The following CFAP47 variants were observed in gnomAD, a reference collection of about 807,000 sequenced individuals.
CFAP47 encodes the protein cilia and flagella associated protein 47.
Under a neutral mutation model 148.1 loss-of-function variants are expected in CFAP47, and 29 were observed. The observed-to-expected ratio is 0.20, with a 90% CI of 0.15 to 0.27. The LOEUF is 0.27. CFAP47 is among the 10% of genes least tolerant of loss of function. The probability of loss-of-function intolerance (pLI) is 1.00; values close to 1 mark genes in which losing one functional copy is unlikely to be tolerated. For synonymous variants in CFAP47, 664 were observed against 577.3 expected, an observed-to-expected ratio of 1.15 and a Z score of -2.15; for missense variants, 1,872 against 1,697.5, an observed-to-expected ratio of 1.10 and a Z score of -1.81.
At chrX:36,272,929 T>A (rs1369617226) in intron 49 of CFAP47, among the ~76,000 whole-genome samples, 2 of 110,941 alleles carry the variant, frequency 1.8e-5, no homozygotes, top group Admixed American at 1.9e-4. Context: ...TAATTTATAA[T>A]TTCTCATATT....
chrX:36,261,974 G>A (rs1454646561), intron 49 of CFAP47, among the ~76,000 whole-genome samples: 2 of 109,289 alleles, frequency 1.8e-5, no homozygotes, highest in African/African-American at 6.6e-5. Context: ...CCTCCCTCCC[G>A]GACGGGGTGG....
chrX:36,090,104 A>G (rs1428644532), intron 30 of CFAP47, among the ~76,000 whole-genome samples: 1 of 112,175 alleles, frequency 8.9e-6, no homozygotes, highest in African/African-American at 3.2e-5. Context: ...GCCAGTATTT[A>G]TCAATTATAG....
At chrX:36,204,872 A>G (rs1000556568) in intron 44 of CFAP47, 85 bp from the exon 45 acceptor site, 6 of 291,149 alleles carry the variant, frequency 2.1e-5, no homozygotes, top group South Asian at 4.4e-4. Context: ...CCCCAAAGGT[A>G]TAGTCTAAAT....
At chrX:36,337,557 C>A (rs1187255955) in intron 57 of CFAP47, among the ~76,000 whole-genome samples, 1 of 111,552 alleles carries the variant, frequency 9.0e-6, no homozygotes, top group Non-Finnish European at 1.9e-5. Context: ...AAATTTCCTA[C>A]AGTGAATTGA....
chrX:36,120,982 A>G (rs1445805591), intron 33 of CFAP47, among the ~76,000 whole-genome samples: 1 of 111,501 alleles, frequency 9.0e-6, no homozygotes, highest in Non-Finnish European at 1.9e-5. Flanking sequence ...AGCTGTTATT[A>G]TATTGGGTTA....
At chrX:36,305,325 C>T (rs191915731) in intron 54 of CFAP47, among the ~76,000 whole-genome samples, 225 of 111,573 alleles carry the variant, frequency 2.0e-3, no homozygotes, top group Non-Finnish European at 3.1e-3. Context: ...TTATATATTA[C>T]TGAAATTCCT....
intron 46 of CFAP47, among the ~76,000 whole-genome samples, chrX:36,231,021 A>G (rs140246299): frequency 0.31 from 31,449 of 102,429 alleles, 7,161 homozygotes; most frequent in African/African-American, 0.72. Flanking sequence ...TAGCCTTGTA[A>G]TATAGTTTGA....
intron 56 of CFAP47, among the ~76,000 whole-genome samples, chrX:36,316,875 T>A (rs1377144445): frequency 1.8e-5 from 2 of 111,757 alleles, no homozygotes; most frequent in Non-Finnish European, 3.8e-5. Context: ...AGCCTCCACC[T>A]CCCGGGCTCA....
intron 26 of CFAP47, among the ~76,000 whole-genome samples, chrX:36,052,482 G>A (rs1365323322): frequency 9.0e-6 from 1 of 111,697 alleles, no homozygotes; most frequent in Non-Finnish European, 1.9e-5. Context: ...TTTTCATTGA[G>A]GTTTTAATTA....
At chrX:36,198,528 C>T (rs782186290) in intron 42 of CFAP47, among the ~76,000 whole-genome samples, 2 of 112,123 alleles carry the variant, frequency 1.8e-5, no homozygotes, top group African/African-American at 3.2e-5. Flanking sequence ...AGGAAAAAGA[C>T]CCGGAAAAGG....
At chrX:36,356,240 TCTC>T (rs1418109682) in intron 60 of CFAP47, among the ~76,000 whole-genome samples, 2 of 111,493 alleles carry the variant, frequency 1.8e-5, no homozygotes, top group African/African-American at 6.5e-5. Flanking sequence ...TGCAGTCTCA[TCTC>T]CACCCGTCAT....
chrX:36,298,928 C>A, intron 51 of CFAP47, 49 bp from the exon 52 acceptor site: 1 of 802,807 alleles, frequency 1.2e-6, no homozygotes, highest in Non-Finnish European at 1.8e-6. Flanking sequence ...AGTATAATGA[C>A]TCCATGCTGA....
rs747121037 is a variant in CFAP47, at chrX:36,111,572, G to T, written c.5320+6881G>T. The stretch of plus-strand genomic sequence containing the variant: ...ATTGGCCTGAAGATTTCATTTTTTT[G>T]TTGTTGTTGTGTCTCTGCCAGGCTT... On this transcript the variant is annotated intron_variant, in intron 33 of 63. Coordinates refer to ENST00000378653, the MANE Select transcript of CFAP47 (RefSeq NM_001304548.2). Among the ~76,000 whole-genome samples the T allele has an allele frequency of 5.2e-3, 583 of 111,146 alleles. 6 individuals carry two copies. Among genetic ancestry groups the T allele is most frequent in the African/African-American group, 0.018 (547 of 30,631 alleles).
rs1383692234 is a variant in CFAP47 at position 36,046,848 on chromosome X, A to G, written c.4008-6A>G. ...GCTAATGAAACATTTTTTTTATTTT[A>G]AACAGAAATTCAACTCTATGTGTCC... On this transcript the variant is annotated splice_region_variant and splice_polypyrimidine_tract_variant and intron_variant, in intron 25 of 63. Coordinates refer to ENST00000378653, the MANE Select transcript of CFAP47 (RefSeq NM_001304548.2). 1 of 1,100,840 alleles carries G rather than the reference A, an allele frequency of 9.1e-7. No individual in the cohort carries two copies. Among genetic ancestry groups the G allele is most frequent in the Non-Finnish European group, 1.2e-6 (1 of 829,843 alleles). 90.7% of individuals were successfully genotyped at this position (1,100,840 alleles called of 1,213,427 possible).
intron 49 of CFAP47, among the ~76,000 whole-genome samples, chrX:36,268,284 C>T (rs782811059): frequency 1.3e-4 from 15 of 112,773 alleles, no homozygotes; most frequent in East Asian, 1.1e-3. Context: ...CTTAGTATTG[C>T]GATAATAAGA....
chrX:35,931,977 C>T (rs1281017210), intron 2 of CFAP47, among the ~76,000 whole-genome samples: 2 of 104,725 alleles, frequency 1.9e-5, no homozygotes, highest in Non-Finnish European at 3.9e-5. Context: ...CCTCTCCCTC[C>T]CTCCCTCCTT....
At chrX:36,285,271 T>C (rs1941120567) in intron 50 of CFAP47, among the ~76,000 whole-genome samples, 1 of 111,690 alleles carries the variant, frequency 9.0e-6, no homozygotes, top group African/African-American at 3.3e-5. Flanking sequence ...TATGTACAAA[T>C]ACATGAATAG....
intron 2 of CFAP47, among the ~76,000 whole-genome samples, chrX:35,928,987 AT>A (rs57384273): frequency 0.28 from 31,238 of 109,628 alleles, 5,235 homozygotes; most frequent in African/African-American, 0.62. Context: ...TGTGTTCTGC[AT>A]TTTTTTTCCA....
In CFAP47 at chrX:36,218,669, C is replaced by G. The variant is rs782493503; in HGVS notation, c.6818-9959C>G. 6.9e-4 allele frequency among the ~76,000 whole-genome samples: 77 copies of G among 111,922 alleles called. 1 individual carries two copies. Among genetic ancestry groups the G allele is most frequent in the Non-Finnish European group, 1.1e-3 (60 of 53,174 alleles). On this transcript the variant is annotated intron_variant, in intron 45 of 63. Transcript: ENST00000378653. ...CTGAGCCAATATGAGTGACCATAGA[C>G]AGGAGAACAATCTCAGGAGGTCTTG...
Sources: allele counts gnomAD v4.1 joint callset (sites outside exome capture counted in the v4.1 genomes callset), GRCh38; gene constraint gnomAD v4.1.1; transcripts MANE v1.5; gene names NCBI Gene and HGNC (gene_info 2026-07-23, HGNC 2026-07-21).